HPSE2: variants seen among roughly 807,000 people sequenced by gnomAD.
HPSE2 encodes the protein heparanase 2 (inactive), also known as inactive heparanase-2.
A neutral mutation model predicts 60.5 loss-of-function variants in HPSE2; 38 were observed. The ratio of observed to expected loss-of-function variants is 0.63; its 90% CI spans 0.48 to 0.82. HPSE2 has a LOEUF of 0.82. HPSE2 is among the 40% of genes least tolerant of loss of function. The pLI is 0.00. For synonymous variants in HPSE2, 295 were observed against 293.2 expected, an observed-to-expected ratio of 1.01 and a Z score of -0.06; for missense variants, 713 against 740.4, an observed-to-expected ratio of 0.96 and a Z score of 0.43.
At chr10:99,262,782 T>C in the HPSE2 span, among the ~76,000 whole-genome samples, 2 of 152,136 alleles carry the variant, frequency 1.3e-5, no homozygotes. Flanking sequence ...CAAATCCATA[T>C]ACTCTCCTAT....
Position 98,534,382 on chromosome 10 carries a change from T to C in HPSE2, c.1321-44186A>G, listed in dbSNP as rs557431945. ...CCCCAACTGAAATTTCCCAGTTTAA[T>C]TATTCACTTTATTCATTAGAATTTT... On this transcript the variant is annotated intron_variant, in intron 9 of 11. Coordinates refer to ENST00000370552, the MANE Select transcript of HPSE2 (RefSeq NM_021828.5). Among the ~76,000 whole-genome samples the C allele has an allele frequency of 2.6e-5, 4 of 151,988 alleles. No individual in the cohort carries two copies. In the South Asian group the frequency reaches 8.3e-4, roughly 32 times the overall value.
intron 3 of HPSE2, among the ~76,000 whole-genome samples, chr10:98,872,259 C>G (rs977600340): frequency 6.6e-5 from 10 of 152,030 alleles, no homozygotes; most frequent in African/African-American, 2.4e-4. Context: ...GGACATCCTG[C>G]TCTACTCTGT....
At chr10:99,048,632 G>A (rs1680534480) in intron 3 of HPSE2, among the ~76,000 whole-genome samples, 1 of 152,164 alleles carries the variant, frequency 6.6e-6, no homozygotes, top group African/African-American at 2.4e-5. Context: ...CTGTTTTTGG[G>A]AATGTAAGTT....
intron 6 of HPSE2, among the ~76,000 whole-genome samples, chr10:98,647,320 G>A (rs1024249104): frequency 6.6e-6 from 1 of 152,160 alleles, no homozygotes. Flanking sequence ...TGGCTCCAGG[G>A]GCAGCTGGTT....
At chr10:99,171,526 C>T (rs1487059098) in intron 2 of HPSE2, among the ~76,000 whole-genome samples, 9 of 152,034 alleles carry the variant, frequency 5.9e-5, no homozygotes. Flanking sequence ...CTAGGATTAT[C>T]CCAATATCAA....
At chr10:99,070,371 A>G (rs536900887) in intron 3 of HPSE2, among the ~76,000 whole-genome samples, 1 of 152,336 alleles carries the variant, frequency 6.6e-6, no homozygotes, top group South Asian at 2.1e-4. Context: ...GATGCTCAAC[A>G]CTGTTATTCA....
the HPSE2 span, among the ~76,000 whole-genome samples, chr10:99,274,908 T>C: frequency 2.2e-4 from 33 of 152,236 alleles, no homozygotes; most frequent in African/African-American, 8.0e-4. Flanking sequence ...CTCACTTACA[T>C]AGGTGTAACG....
intron 3 of HPSE2, among the ~76,000 whole-genome samples, chr10:98,942,527 T>C (rs1227899462): frequency 6.6e-6 from 1 of 151,556 alleles, no homozygotes; most frequent in Non-Finnish European, 1.5e-5. Flanking sequence ...AAAACCACAA[T>C]GAGATACCAT....
chr10:98,653,084 A>G (rs1042753709), intron 6 of HPSE2, among the ~76,000 whole-genome samples: 1 of 152,196 alleles, frequency 6.6e-6, no homozygotes, highest in Non-Finnish European at 1.5e-5. Context: ...TTCTTGGAGA[A>G]TTAATCTATA....
chr10:99,008,634 C>T (rs1021419356), intron 3 of HPSE2, among the ~76,000 whole-genome samples: 11 of 152,102 alleles, frequency 7.2e-5, no homozygotes, highest in Non-Finnish European at 1.3e-4. Context: ...TGTTTTTAAA[C>T]AAAATATTCC....
intron 9 of HPSE2, among the ~76,000 whole-genome samples, chr10:98,584,142 G>C (rs1157000149): frequency 6.6e-6 from 1 of 152,168 alleles, no homozygotes; most frequent in Non-Finnish European, 1.5e-5. Flanking sequence ...GAGGGTTCCA[G>C]TTGCTCCACA....
the HPSE2 span, among the ~76,000 whole-genome samples, chr10:99,286,664 A>T: frequency 3.9e-5 from 6 of 152,210 alleles, no homozygotes; most frequent in Non-Finnish European, 8.8e-5. Context: ...ACACTTAAAA[A>T]TTGTTAAAAT....
intron 3 of HPSE2, among the ~76,000 whole-genome samples, chr10:99,135,774 AAATTCTTTTAATTTAATATTT>A (rs1183340641): frequency 6.6e-6 from 1 of 152,146 alleles, no homozygotes; most frequent in Non-Finnish European, 1.5e-5. Context: ...AAAACAATTT[AAATTCTTTTAATTTAATATTT>A]AATTCTTTTA....
At chr10:98,506,988 C>T (rs1455206343) in intron 9 of HPSE2, among the ~76,000 whole-genome samples, 1 of 152,144 alleles carries the variant, frequency 6.6e-6, no homozygotes, top group Non-Finnish European at 1.5e-5. Context: ...GTATGCTTCT[C>T]GTATACTGTA....
At chr10:98,771,815 A>C (rs553587888) in intron 3 of HPSE2, among the ~76,000 whole-genome samples, 2 of 152,346 alleles carry the variant, frequency 1.3e-5, no homozygotes, top group Non-Finnish European at 2.9e-5. Flanking sequence ...GCAAAAAGTA[A>C]TAGCCATGTT....
At chr10:98,969,143 G>T (rs919930422) in intron 3 of HPSE2, among the ~76,000 whole-genome samples, 1 of 151,602 alleles carries the variant, frequency 6.6e-6, no homozygotes, top group Non-Finnish European at 1.5e-5. Flanking sequence ...TACAAAATGC[G>T]AGAGAGCATG....
At chr10:99,082,837 G>A (rs1201266691) in intron 3 of HPSE2, among the ~76,000 whole-genome samples, 1 of 152,124 alleles carries the variant, frequency 6.6e-6, no homozygotes, top group East Asian at 1.9e-4. Context: ...TTAAGGCTTA[G>A]AGCCTTAACA....
chr10:98,487,272 G>C (rs1941476277), intron 10 of HPSE2, among the ~76,000 whole-genome samples: 1 of 152,214 alleles, frequency 6.6e-6, no homozygotes, highest in South Asian at 2.1e-4. Context: ...AGCACCTGCT[G>C]GTGGTGGTAT....
chr10:99,216,105 G>T (rs192665951), intron 2 of HPSE2, among the ~76,000 whole-genome samples: 1 of 151,262 alleles, frequency 6.6e-6, no homozygotes, highest in African/African-American at 2.4e-5. Flanking sequence ...GAATAACCTG[G>T]TCCTTTAATC....
Sources: allele counts gnomAD v4.1 joint callset (sites outside exome capture counted in the v4.1 genomes callset), GRCh38; gene constraint gnomAD v4.1.1; transcripts MANE v1.5; gene names NCBI Gene and HGNC (gene_info 2026-07-23, HGNC 2026-07-21).